The following RANBP2 variants were observed in gnomAD, a reference collection of about 807,000 sequenced individuals.
RANBP2 encodes the protein RAN binding protein 2.
Under a neutral mutation model 303.6 loss-of-function variants are expected in RANBP2, and 57 were observed. The observed-to-expected ratio is 0.19, with a 90% CI of 0.15 to 0.23. RANBP2 has a LOEUF of 0.23. RANBP2 is among the 10% of genes least tolerant of loss of function. RANBP2 has a pLI of 1.00. For missense variants in RANBP2, 3,138 were observed against 3,780.8 expected (o/e 0.83, Z 4.46); for synonymous variants, 1,167 against 1,301.5 (o/e 0.90, Z 2.23).
chr2:109,624,197 G>C, the RANBP2 span, among the ~76,000 whole-genome samples: 3 of 152,224 alleles, frequency 2.0e-5, no homozygotes, highest in African/African-American at 7.2e-5. Context: ...GCTCCAGGGA[G>C]GGGTGGCAGG....
chr2:109,218,943 T>C, the RANBP2 span, among the ~76,000 whole-genome samples: 2 of 152,272 alleles, frequency 1.3e-5, no homozygotes, highest in East Asian at 3.9e-4. Context: ...GGACCAGGCT[T>C]GTAGAGGGGT....
the RANBP2 span, among the ~76,000 whole-genome samples, chr2:109,054,706 A>G: frequency 1.3e-5 from 2 of 152,016 alleles, no homozygotes; most frequent in African/African-American, 4.8e-5. Flanking sequence ...CAAAAAAAAA[A>G]AAAAAAAAGA....
chr2:108,930,548 G>A, the RANBP2 span, among the ~76,000 whole-genome samples: 1 of 152,146 alleles, frequency 6.6e-6, no homozygotes, highest in African/African-American at 2.4e-5. Flanking sequence ...CAAGGTCATG[G>A]AGGAGGCGCC....
the RANBP2 span, chr2:108,798,489 T>A: frequency 6.2e-7 from 1 of 1,614,022 alleles, no homozygotes; most frequent in South Asian, 1.1e-5. Context: ...CGTTTTTTAC[T>A]TGAAAGAGAA....
the RANBP2 span, among the ~76,000 whole-genome samples, chr2:109,144,113 A>C: frequency 6.6e-6 from 1 of 152,236 alleles, no homozygotes; most frequent in Admixed American, 6.5e-5. Context: ...TGAATTCTGG[A>C]GTTCTACTGT....
the RANBP2 span, among the ~76,000 whole-genome samples, chr2:109,231,131 C>G: frequency 6.6e-6 from 1 of 152,248 alleles, no homozygotes; most frequent in Non-Finnish European, 1.5e-5. Context: ...CTAGCATGGA[C>G]TTAGTGACCC....
chr2:109,680,616 T>C, the RANBP2 span, among the ~76,000 whole-genome samples: 2 of 152,194 alleles, frequency 1.3e-5, no homozygotes, highest in Non-Finnish European at 2.9e-5. Context: ...CACTTATTAT[T>C]ATCACCATCA....
intron 9 of RANBP2, among the ~76,000 whole-genome samples, chr2:108,750,243 C>T (rs1373752803): frequency 6.6e-6 from 1 of 152,270 alleles, no homozygotes; most frequent in African/African-American, 2.4e-5. Context: ...TTGCTTCCTT[C>T]ATGAATTCTC....
the RANBP2 span, among the ~76,000 whole-genome samples, chr2:109,248,852 T>G: frequency 7.7e-6 from 1 of 129,292 alleles, no homozygotes; most frequent in African/African-American, 3.9e-5. Context: ...TTCGTTTTCC[T>G]TTTTCCTTTC....
chr2:109,490,894 T>C, the RANBP2 span: 8 of 1,526,644 alleles, frequency 5.2e-6, no homozygotes, highest in African/African-American at 1.4e-5. Flanking sequence ...CCGCTGTCCA[T>C]GGCTGCCATC....
At chr2:109,734,595 C>G in the RANBP2 span, among the ~76,000 whole-genome samples, 1 of 152,044 alleles carries the variant, frequency 6.6e-6, no homozygotes, top group Non-Finnish European at 1.5e-5. Flanking sequence ...AAAATCTCTT[C>G]TAAAATTCTA....
the RANBP2 span, among the ~76,000 whole-genome samples, chr2:108,954,837 G>A: frequency 2.0e-5 from 3 of 152,116 alleles, no homozygotes; most frequent in South Asian, 2.1e-4. Context: ...CACCATGGCC[G>A]GCTAATTTTT....
intron 20 of RANBP2, among the ~76,000 whole-genome samples, chr2:108,770,956 T>A (rs1201203337): frequency 1.3e-5 from 2 of 152,142 alleles, no homozygotes; most frequent in East Asian, 1.9e-4. Context: ...CTAGTTGGTA[T>A]ACATGGCATG....
the RANBP2 span, among the ~76,000 whole-genome samples, chr2:109,464,441 G>A: frequency 1.1e-3 from 162 of 152,092 alleles, 2 homozygotes; most frequent in East Asian, 6.8e-3. Context: ...ACACATTCGC[G>A]TACATATAAA....
At chr2:109,331,780 T>A in the RANBP2 span, among the ~76,000 whole-genome samples, 2,723 of 152,282 alleles carry the variant, frequency 0.018, 99 homozygotes, top group African/African-American at 0.063. Flanking sequence ...ACTGATTGAA[T>A]GAATATAATA....
chr2:109,564,551 A>G, the RANBP2 span: 1 of 1,474,824 alleles, frequency 6.8e-7, no homozygotes, highest in Non-Finnish European at 9.1e-7. Context: ...AAAAAAAAAT[A>G]AGAAAAGAAC....
intron 23 of RANBP2, 49 bp downstream of exon 23, chr2:108,773,095 G>A: frequency 6.6e-7 from 1 of 1,523,520 alleles, no homozygotes; most frequent in Non-Finnish European, 9.0e-7. Context: ...TGCCTTTGTT[G>A]ATGCAGTAAA....
chr2:109,255,489 G>C, the RANBP2 span, among the ~76,000 whole-genome samples: 1 of 152,218 alleles, frequency 6.6e-6, no homozygotes, highest in Non-Finnish European at 1.5e-5. Context: ...CAGCCGACTG[G>C]GTATCTTTAT....
the RANBP2 span, among the ~76,000 whole-genome samples, chr2:109,159,339 C>T: frequency 4.6e-5 from 7 of 152,204 alleles, no homozygotes; most frequent in African/African-American, 1.7e-4. Flanking sequence ...AGGGTGCTGC[C>T]TGCCCTGCCC....
Sources: allele counts gnomAD v4.1 joint callset (sites outside exome capture counted in the v4.1 genomes callset), GRCh38; gene constraint gnomAD v4.1.1; transcripts MANE v1.5; gene names NCBI Gene and HGNC (gene_info 2026-07-23, HGNC 2026-07-21).